USP7: variants seen among roughly 807,000 people sequenced by gnomAD.
The protein encoded by USP7 is ubiquitin specific peptidase 7.
A neutral mutation model predicts 162.9 loss-of-function variants in USP7; 9 were observed. That is an observed-to-expected ratio of 0.06 (90% confidence interval 0.03 to 0.10). The LOEUF is 0.10. Ranked by LOEUF, USP7 falls within the 10% of genes least tolerant of loss-of-function variation. USP7 has a pLI of 1.00. For synonymous variants in USP7, 562 were observed against 475.9 expected, an observed-to-expected ratio of 1.18 and a Z score of -2.35; for missense variants, 715 against 1,373.7, an observed-to-expected ratio of 0.52 and a Z score of 7.58.
chr16:8,922,767 C>T (rs30763), intron 3 of USP7, among the ~76,000 whole-genome samples: 42,376 of 152,144 alleles, frequency 0.28, 5,954 homozygotes, highest in South Asian at 0.34. Flanking sequence ...TCATAATATA[C>T]ATGAATGTTT....
chr16:8,903,179 C>G, intron 16 of USP7, 89 bp downstream of exon 16: 1 of 1,527,850 alleles, frequency 6.5e-7, no homozygotes, highest in East Asian at 2.3e-5. Flanking sequence ...AGCACCTACC[C>G]CCAAAGGCAA....
Position 8,893,505 on chromosome 16 carries a change from G to A in USP7, c.*493C>T, listed in dbSNP as rs1047136851. 10 of 157,304 alleles carry A rather than the reference G, an allele frequency of 6.4e-5. No individual in the cohort carries two copies. Among genetic ancestry groups the A allele is most frequent in the African/African-American group, 1.4e-4 (6 of 41,498 alleles). 9.7% of individuals were successfully genotyped at this position (157,304 alleles called of 1,614,324 possible). ...CAATGCACACAATGAAGGGAAGAGC[G>A]CTATTTATTAGGTTGTGAGTTTCTC... On this transcript the variant is annotated 3_prime_UTR_variant, in exon 31 of 31. Coordinates refer to ENST00000344836, the MANE Select transcript of USP7 (RefSeq NM_003470.3).
Position 8,921,267 on chromosome 16 carries a change from G to T in USP7, c.412C>A (p.Leu138Met), listed in dbSNP as rs770958985. ...TSWSCHAQAV[L>M]KIINYRDDEK... ...TCATCTCTGTAATTTATTATCTTCA[G>T]CACTGCTTGTGCATGGCAAGACCAT... is the stretch of plus-strand genomic sequence containing the variant. Residue 138 changes from leucine (L) to methionine (M), a missense_variant, in exon 4 of 31, where the codon CTG becomes ATG. Physicochemically the swap from Leu to Met is conservative, Grantham distance 15 (BLOSUM62 2). Transcript: ENST00000344836. 2 of 1,613,936 alleles carry T rather than the reference G, an allele frequency of 1.2e-6. No individual in the cohort carries two copies. Among genetic ancestry groups the T allele is most frequent in the Admixed American group, 3.3e-5 (2 of 60,006 alleles).
At chr16:8,929,920 G>A (rs1186613154) in intron 2 of USP7, among the ~76,000 whole-genome samples, 1 of 152,178 alleles carries the variant, frequency 6.6e-6, no homozygotes, top group African/African-American at 2.4e-5. Flanking sequence ...CAATGAGAAT[G>A]CAATGGAAAG....
intron 13 of USP7, 152 bp from the exon 14 acceptor site, chr16:8,905,483 G>A (rs566573567): frequency 4.1e-5 from 39 of 956,482 alleles, no homozygotes; most frequent in Non-Finnish European, 5.8e-5. Flanking sequence ...CACACAATCT[G>A]ACGGTGTGCT....
intron 1 of USP7, among the ~76,000 whole-genome samples, chr16:8,954,823 G>C (rs962941733): frequency 6.6e-6 from 1 of 152,118 alleles, no homozygotes; most frequent in African/African-American, 2.4e-5. Context: ...TAGCCGGTGC[G>C]GTGAGGGGCG....
At chr16:8,904,031 A>G (rs1481645921) in intron 15 of USP7, among the ~76,000 whole-genome samples, 1 of 152,166 alleles carries the variant, frequency 6.6e-6, no homozygotes, top group Non-Finnish European at 1.5e-5. Flanking sequence ...ACGTGCACTT[A>G]ATCACTTCTC....
chr16:8,960,637 A>G (rs1013513002), intron 1 of USP7, among the ~76,000 whole-genome samples: 1 of 152,246 alleles, frequency 6.6e-6, no homozygotes, highest in African/African-American at 2.4e-5. Flanking sequence ...GAACCGAGGC[A>G]GACACTGAAC....
chr16:8,922,914 T>G (rs923352464), intron 3 of USP7, among the ~76,000 whole-genome samples: 1 of 152,232 alleles, frequency 6.6e-6, no homozygotes, highest in Non-Finnish European at 1.5e-5. Flanking sequence ...TGCCATTTTC[T>G]GCTCAGACAG....
intron 15 of USP7, among the ~76,000 whole-genome samples, chr16:8,904,233 T>G (rs955953599): frequency 6.6e-6 from 1 of 152,166 alleles, no homozygotes; most frequent in South Asian, 2.1e-4. Context: ...GAGCAGCTTC[T>G]CTCTGGGCAG....
chr16:8,901,873 C>G (rs531746151), intron 18 of USP7: 1 of 579,970 alleles, frequency 1.7e-6, no homozygotes, highest in Non-Finnish European at 3.1e-6. Context: ...GACGGCCCCA[C>G]GTGGCTGCTA....
intron 26 of USP7, 43 bp from the exon 27 acceptor site, chr16:8,895,784 A>G: frequency 7.7e-7 from 1 of 1,300,094 alleles, no homozygotes. Flanking sequence ...TGAAGTATAT[A>G]TATTCACATA....
chr16:8,941,244 A>G (rs1899033792), intron 1 of USP7, among the ~76,000 whole-genome samples: 1 of 152,200 alleles, frequency 6.6e-6, no homozygotes. Flanking sequence ...CCAGAACATG[A>G]ACCTAAGTGG....
At chr16:8,915,006 G>A (rs1156965815) in intron 10 of USP7, among the ~76,000 whole-genome samples, 1 of 152,210 alleles carries the variant, frequency 6.6e-6, no homozygotes, top group African/African-American at 2.4e-5. Context: ...CAGGGTGTTA[G>A]AAGTCCACGT....
At chr16:8,940,217 G>A (rs1567240246) in intron 1 of USP7, among the ~76,000 whole-genome samples, 1 of 152,170 alleles carries the variant, frequency 6.6e-6, no homozygotes. Flanking sequence ...GCATCCTATA[G>A]CCAGGTCACC....
At chr16:8,919,453 A>T (rs1897559474) in intron 5 of USP7, among the ~76,000 whole-genome samples, 1 of 152,072 alleles carries the variant, frequency 6.6e-6, no homozygotes, top group African/African-American at 2.4e-5. Context: ...GCCTCATGGT[A>T]GAGTTTGGTT....
At chr16:8,921,585 C>T (rs1215035997) in intron 3 of USP7, among the ~76,000 whole-genome samples, 1 of 152,140 alleles carries the variant, frequency 6.6e-6, no homozygotes, top group Non-Finnish European at 1.5e-5. Flanking sequence ...TTGACCTCTG[C>T]TTCTACTGCC....
At chr16:8,918,012 G>A (rs1028246016) in intron 6 of USP7, among the ~76,000 whole-genome samples, 2 of 151,396 alleles carry the variant, frequency 1.3e-5, no homozygotes, top group South Asian at 2.1e-4. Flanking sequence ...GGATGGTCTC[G>A]ATCTGCTGAC....
intron 20 of USP7, 29 bp from the exon 21 acceptor site, chr16:8,900,659 C>A (rs192595197): frequency 6.5e-7 from 1 of 1,544,068 alleles, no homozygotes; most frequent in African/African-American, 1.4e-5. Context: ...AATTGTTACA[C>A]TGCAAGTTTG....
Sources: gnomAD v4.1 joint callset for allele counts (sites outside exome capture counted in the v4.1 genomes callset) on GRCh38, gnomAD v4.1.1 for gene constraint, MANE v1.5 for transcripts, NCBI Gene and HGNC (gene_info 2026-07-23, HGNC 2026-07-21) for gene names.